PTPRK: variants seen among roughly 807,000 people sequenced by gnomAD.
PTPRK encodes the protein receptor-type tyrosine-protein phosphatase kappa.
PTPRK carries 75 observed loss-of-function variants against 178.0 expected under a neutral mutation model. The observed-to-expected ratio is 0.42, with a 90% CI of 0.35 to 0.51. The LOEUF (loss-of-function observed/expected upper bound fraction) is 0.51, where lower values mean the gene tolerates loss of function less well. Ranked by LOEUF, PTPRK falls within the 20% of genes least tolerant of loss-of-function variation. The pLI, the probability that PTPRK is intolerant of heterozygous loss-of-function variation, is 0.02. For synonymous variants in PTPRK, 637 were observed against 620.6 expected, an observed-to-expected ratio of 1.03 and a Z score of -0.39; for missense variants, 1,441 against 1,797.8, an observed-to-expected ratio of 0.80 and a Z score of 3.59.
chr6:128,220,583 G>T (rs1298584394), intron 5 of PTPRK, among the ~76,000 whole-genome samples: 1 of 152,116 alleles, frequency 6.6e-6, no homozygotes, highest in Non-Finnish European at 1.5e-5. Flanking sequence ...TTTAGAAAAT[G>T]ATTTGTTACT....
intron 3 of PTPRK, among the ~76,000 whole-genome samples, chr6:128,246,479 C>T (rs1210887074): frequency 6.6e-6 from 1 of 151,882 alleles, no homozygotes; most frequent in East Asian, 1.9e-4. Flanking sequence ...ACCTCATTTT[C>T]CCTGCTAAAT....
chr6:128,057,680 C>T (rs556666782), intron 13 of PTPRK, among the ~76,000 whole-genome samples: 7 of 152,310 alleles, frequency 4.6e-5, no homozygotes, highest in Admixed American at 1.3e-4. Flanking sequence ...CATGTGACTT[C>T]TCCCTGTCCT....
chr6:128,189,954 T>C (rs1386813807), intron 6 of PTPRK, among the ~76,000 whole-genome samples: 1 of 152,140 alleles, frequency 6.6e-6, no homozygotes. Flanking sequence ...TTAAATTATG[T>C]CAACAAGTTG....
At chr6:128,041,818 G>A (rs1777218659) in intron 13 of PTPRK, among the ~76,000 whole-genome samples, 2 of 148,706 alleles carry the variant, frequency 1.3e-5, no homozygotes, top group Non-Finnish European at 3.0e-5. Flanking sequence ...TTTTATAAAA[G>A]TGTATATATA....
intron 12 of PTPRK, 36 bp from the exon 13 acceptor site, chr6:128,064,830 G>C: frequency 1.9e-6 from 3 of 1,548,626 alleles, no homozygotes; most frequent in Non-Finnish European, 1.7e-6. Flanking sequence ...AAGAGTCAAT[G>C]TACAGATAAT....
intron 3 of PTPRK, among the ~76,000 whole-genome samples, chr6:128,314,664 AT>A (rs145761153): frequency 0.014 from 2,152 of 152,242 alleles, 49 homozygotes; most frequent in African/African-American, 0.049. Context: ...ATCATCCCAT[AT>A]TGCAGGGACT....
chr6:128,000,346 A>G lies in PTPRK; in HGVS notation c.2495-1442T>C, dbSNP rs75491753. ...TTTTTTCTTCCTGGAGAAGGGAAAA[A>G]AAAAAGAACCCTACAATCAGATTTG... On this transcript the variant is annotated intron_variant, in intron 15 of 29. Transcript: ENST00000368226. The G allele has an allele frequency of 2.9e-4, 367 of 1,267,956 alleles. 2 individuals carry two copies. The East Asian group carries it at 0.017, about 58-fold the overall frequency. 78.5% of individuals were successfully genotyped at this position (1,267,956 alleles called of 1,614,324 possible).
chr6:128,305,697 T>C (rs1348972820), intron 3 of PTPRK, among the ~76,000 whole-genome samples: 2 of 152,218 alleles, frequency 1.3e-5, no homozygotes, highest in Non-Finnish European at 1.5e-5. Flanking sequence ...AAATGTTTCA[T>C]TTTTGCCATA....
rs148161953 is a variant in PTPRK, at chr6:128,478,229, C to T, written c.100+42030G>A. ...CATGGACTCCTTCATGCCTTACTTA[C>T]ACTCTCCTTCCTAACTCTTGTTTTC... On this transcript the variant is annotated intron_variant, in intron 1 of 29. Coordinates refer to ENST00000368226, the MANE Select transcript of PTPRK (RefSeq NM_002844.4). 1.1e-3 allele frequency among the ~76,000 whole-genome samples: 166 copies of T among 152,196 alleles called. 1 individual carries two copies. The highest frequency in any genetic ancestry group is 3.9e-3 in the African/African-American group (162 of 41,544).
At chr6:128,269,195 T>C (rs1819405467) in intron 3 of PTPRK, among the ~76,000 whole-genome samples, 1 of 152,050 alleles carries the variant, frequency 6.6e-6, no homozygotes, top group South Asian at 2.1e-4. Context: ...CCCAATACTG[T>C]GCAAGGCAGT....
At chr6:128,420,890 T>A (rs930221215) in intron 1 of PTPRK, among the ~76,000 whole-genome samples, 12 of 152,346 alleles carry the variant, frequency 7.9e-5, no homozygotes, top group African/African-American at 2.9e-4. Context: ...CTCAGTATAA[T>A]CAATTTCAAC....
At chr6:128,057,085 A>C (rs1286143927) in intron 13 of PTPRK, among the ~76,000 whole-genome samples, 2 of 152,166 alleles carry the variant, frequency 1.3e-5, no homozygotes, top group Non-Finnish European at 2.9e-5. Flanking sequence ...TCATTATCTA[A>C]AGGAAGTCCT....
At chr6:128,078,610 TTATTA>T (rs1315466512) in intron 11 of PTPRK, among the ~76,000 whole-genome samples, 198 bp downstream of exon 11, 1 of 152,034 alleles carries the variant, frequency 6.6e-6, no homozygotes, top group Non-Finnish European at 1.5e-5. Flanking sequence ...TTGTTCTATT[TTATTA>T]TTAGTTATTG....
At chr6:128,369,731 A>G (rs879766554) in intron 2 of PTPRK, among the ~76,000 whole-genome samples, 4 of 152,144 alleles carry the variant, frequency 2.6e-5, no homozygotes, top group Admixed American at 2.6e-4. Flanking sequence ...CTCATATTTT[A>G]GTAAATGCTC....
intron 20 of PTPRK, 22 bp from the exon 21 acceptor site, chr6:127,990,907 T>G: frequency 7.2e-7 from 1 of 1,380,618 alleles, no homozygotes; most frequent in Non-Finnish European, 1.0e-6. Context: ...AAAGAATATA[T>G]AGACAGACCT....
intron 6 of PTPRK, among the ~76,000 whole-genome samples, chr6:128,190,153 T>G (rs1803506049): frequency 6.6e-6 from 1 of 152,266 alleles, no homozygotes; most frequent in Non-Finnish European, 1.5e-5. Context: ...AAATAAGAAG[T>G]ATACATTTGA....
chr6:128,048,011 G>A (rs1446044617), intron 13 of PTPRK, among the ~76,000 whole-genome samples: 1 of 152,120 alleles, frequency 6.6e-6, no homozygotes, highest in Admixed American at 6.6e-5. Flanking sequence ...GGGATGAGTT[G>A]GGGGTTGTCC....
intron 8 of PTPRK, 90 bp downstream of exon 8, chr6:128,089,600 A>G: frequency 8.0e-7 from 1 of 1,253,578 alleles, no homozygotes; most frequent in Non-Finnish European, 1.1e-6. Context: ...AATCCAATTC[A>G]GTATTGGACA....
intron 14 of PTPRK, chr6:128,006,182 T>A: frequency 3.0e-6 from 2 of 657,838 alleles, no homozygotes; most frequent in Non-Finnish European, 4.5e-6. Flanking sequence ...AAAATTCATG[T>A]TTTTTTTGCT....
Sources: allele counts gnomAD v4.1 joint callset (sites outside exome capture counted in the v4.1 genomes callset), GRCh38; gene constraint gnomAD v4.1.1; transcripts MANE v1.5; gene names NCBI Gene and HGNC (gene_info 2026-07-23, HGNC 2026-07-21).